DIAPH3: variants seen among roughly 807,000 people sequenced by gnomAD.
DIAPH3 encodes diaphanous related formin 3.
A neutral mutation model predicts 144.3 loss-of-function variants in DIAPH3; 117 were observed. The observed-to-expected ratio is 0.81, with a 90% CI of 0.70 to 0.95. The LOEUF (loss-of-function observed/expected upper bound fraction) is 0.95, where lower values mean the gene tolerates loss of function less well. DIAPH3 is among the 40% of genes least tolerant of loss of function. DIAPH3 has a pLI of 0.00. For missense variants in DIAPH3, 1,421 were observed against 1,412.7 expected (o/e 1.01, Z -0.09); for synonymous variants, 519 against 488.9 (o/e 1.06, Z -0.81).
chr13:59,737,717 CA>C (rs1171450619), intron 27 of DIAPH3, among the ~76,000 whole-genome samples: 4 of 152,188 alleles, frequency 2.6e-5, no homozygotes, highest in African/African-American at 9.7e-5. Context: ...GGATTTACCT[CA>C]AAAAGGTTAT....
At chr13:59,941,490 C>T (rs1041929703) in intron 17 of DIAPH3, among the ~76,000 whole-genome samples, 2 of 152,124 alleles carry the variant, frequency 1.3e-5, no homozygotes, top group African/African-American at 4.8e-5. Context: ...TAGAGACCCC[C>T]AGAGCAGAGG....
intron 21 of DIAPH3, among the ~76,000 whole-genome samples, chr13:59,866,832 C>G (rs1385758794): frequency 1.3e-5 from 2 of 151,834 alleles, no homozygotes; most frequent in African/African-American, 2.4e-5. Flanking sequence ...ATAAAGGTAT[C>G]TACGTGAAAA....
intron 20 of DIAPH3, among the ~76,000 whole-genome samples, chr13:59,885,211 G>A (rs2045355668): frequency 6.6e-6 from 1 of 152,038 alleles, no homozygotes; most frequent in African/African-American, 2.4e-5. Context: ...TAATTTGGCA[G>A]TCTCAGCACA....
intron 22 of DIAPH3, among the ~76,000 whole-genome samples, chr13:59,854,613 A>C (rs1371099221): frequency 6.6e-6 from 1 of 152,152 alleles, no homozygotes; most frequent in Non-Finnish European, 1.5e-5. Flanking sequence ...ACTATTCTGA[A>C]ATTTTCTTTC....
intron 17 of DIAPH3, among the ~76,000 whole-genome samples, chr13:59,961,967 C>A (rs908985281): frequency 6.6e-6 from 1 of 152,076 alleles, no homozygotes; most frequent in South Asian, 2.1e-4. Flanking sequence ...TTAATAAATG[C>A]ATCAGAGTAG....
At chr13:59,887,272 C>G (rs2045515890) in intron 20 of DIAPH3, among the ~76,000 whole-genome samples, 1 of 151,948 alleles carries the variant, frequency 6.6e-6, no homozygotes, top group South Asian at 2.1e-4. Flanking sequence ...TCATAACATA[C>G]TCTCCTTATT....
At chr13:59,902,553 C>G (rs1226631503) in intron 20 of DIAPH3, among the ~76,000 whole-genome samples, 1 of 152,112 alleles carries the variant, frequency 6.6e-6, no homozygotes, top group East Asian at 1.9e-4. Context: ...GCAGGCAGAT[C>G]CCTTGAGGTC....
intron 7 of DIAPH3, among the ~76,000 whole-genome samples, chr13:60,013,689 T>A (rs2140970293): frequency 6.6e-6 from 1 of 152,298 alleles, no homozygotes; most frequent in South Asian, 2.1e-4. Flanking sequence ...CCAAATAAGG[T>A]ACCACATTTT....
At chr13:60,076,445 G>T (rs189971369) in intron 4 of DIAPH3, among the ~76,000 whole-genome samples, 1 of 152,210 alleles carries the variant, frequency 6.6e-6, no homozygotes, top group Non-Finnish European at 1.5e-5. Context: ...TCTTTTCATG[G>T]CTGTGTTGTT....
intron 27 of DIAPH3, among the ~76,000 whole-genome samples, chr13:59,719,574 G>A (rs986290839): frequency 3.3e-5 from 5 of 151,896 alleles, no homozygotes; most frequent in Non-Finnish European, 5.9e-5. Context: ...GTTCTCTCAC[G>A]CTGCTCATGG....
At chr13:59,777,184 G>C (rs1398606816) in intron 25 of DIAPH3, among the ~76,000 whole-genome samples, 2 of 152,092 alleles carry the variant, frequency 1.3e-5, no homozygotes, top group African/African-American at 4.8e-5. Flanking sequence ...TGTTGTGCCA[G>C]AAAATAAGAA....
At chr13:60,153,133 T>C (rs954062958) in intron 1 of DIAPH3, among the ~76,000 whole-genome samples, 1 of 152,082 alleles carries the variant, frequency 6.6e-6, no homozygotes, top group Non-Finnish European at 1.5e-5. Flanking sequence ...TGGTTCTCAA[T>C]GAGGGCCAAG....
intron 27 of DIAPH3, among the ~76,000 whole-genome samples, chr13:59,724,889 T>C (rs2035531823): frequency 6.6e-6 from 1 of 152,202 alleles, no homozygotes; most frequent in South Asian, 2.1e-4. Context: ...TCTTGCACTA[T>C]TGTTGCTGTG....
At chr13:59,707,372 A>T (rs2034488983) in intron 27 of DIAPH3, among the ~76,000 whole-genome samples, 1 of 152,168 alleles carries the variant, frequency 6.6e-6, no homozygotes, top group Admixed American at 6.5e-5. Context: ...AAGTATCTGG[A>T]AAACAGGTTT....
chr13:59,924,902 C>T (rs777558128), intron 17 of DIAPH3, 32 bp from the exon 18 acceptor site: 6 of 1,585,134 alleles, frequency 3.8e-6, no homozygotes, highest in African/African-American at 1.3e-5. Flanking sequence ...ATGTTAGGGG[C>T]AGCAATTCAT....
intron 3 of DIAPH3, among the ~76,000 whole-genome samples, chr13:60,110,874 AG>A (rs1337945145): frequency 6.6e-5 from 10 of 152,232 alleles, no homozygotes; most frequent in Non-Finnish European, 1.5e-4. Flanking sequence ...ATATAGTATT[AG>A]CCCCCTCCCA....
chr13:59,746,404 T>TTA (rs1264270801), intron 27 of DIAPH3, among the ~76,000 whole-genome samples: 5 of 151,462 alleles, frequency 3.3e-5, no homozygotes, highest in African/African-American at 1.2e-4. Context: ...TTTTTTTTTT[T>TTA]AGTAGATTGG....
intron 17 of DIAPH3, among the ~76,000 whole-genome samples, chr13:59,943,292 G>A (rs933680081): frequency 6.6e-6 from 1 of 152,138 alleles, no homozygotes; most frequent in Non-Finnish European, 1.5e-5. Context: ...CTGGAGAATT[G>A]ATTTCTCCAA....
At chr13:59,852,669 C>T (rs2043045014) in intron 22 of DIAPH3, among the ~76,000 whole-genome samples, 2 of 152,162 alleles carry the variant, frequency 1.3e-5, no homozygotes, top group Admixed American at 6.5e-5. Flanking sequence ...TATGTAACTG[C>T]ATGTGTATTA....
Sources: allele counts gnomAD v4.1 joint callset (sites outside exome capture counted in the v4.1 genomes callset), GRCh38; gene constraint gnomAD v4.1.1; transcripts MANE v1.5; gene names NCBI Gene and HGNC (gene_info 2026-07-23, HGNC 2026-07-21).